Variants in DNM3 observed in about 807,000 individuals in gnomAD.
DNM3 encodes dynamin-3.
In DNM3, 47 loss-of-function variants were observed where a neutral mutation model predicts 101.6. The observed-to-expected ratio is 0.46, with a 90% CI of 0.37 to 0.59. The LOEUF is 0.59. DNM3 is among the 20% of genes least tolerant of loss of function. The pLI, the probability that DNM3 is intolerant of heterozygous loss-of-function variation, is 0.00. For synonymous variants in DNM3, 385 were observed against 387.9 expected, an observed-to-expected ratio of 0.99 and a Z score of 0.09; for missense variants, 849 against 1,085.7, an observed-to-expected ratio of 0.78 and a Z score of 3.06.
chr1:172,292,349 T>C (rs1171725937), intron 15 of DNM3, among the ~76,000 whole-genome samples: 2 of 152,220 alleles, frequency 1.3e-5, no homozygotes, highest in Non-Finnish European at 2.9e-5. Context: ...TGGTCTTTAA[T>C]ATATCCTGAA....
chr1:171,877,838 A>C (rs2035914445), intron 1 of DNM3, among the ~76,000 whole-genome samples: 1 of 152,202 alleles, frequency 6.6e-6, no homozygotes, highest in Non-Finnish European at 1.5e-5. Context: ...ACAAGATGTG[A>C]ATTGCCTCAT....
At chr1:172,274,963 T>C (rs2063223955) in intron 15 of DNM3, among the ~76,000 whole-genome samples, 1 of 152,040 alleles carries the variant, frequency 6.6e-6, no homozygotes, top group South Asian at 2.1e-4. Context: ...ATTTTTGTCA[T>C]TATACACTAG....
intron 12 of DNM3, among the ~76,000 whole-genome samples, chr1:172,087,856 A>G (rs774974766): frequency 3.9e-5 from 6 of 152,150 alleles, no homozygotes; most frequent in Non-Finnish European, 7.3e-5. Flanking sequence ...TATAATCTGT[A>G]TCTTGTTTAC....
intron 4 of DNM3, among the ~76,000 whole-genome samples, chr1:172,029,003 C>T (rs2048408140): frequency 6.6e-6 from 1 of 152,146 alleles, no homozygotes; most frequent in African/African-American, 2.4e-5. Context: ...GGTAGCATTC[C>T]TTCTGAAACT....
intron 10 of DNM3, among the ~76,000 whole-genome samples, chr1:172,056,168 C>T (rs1394471049): frequency 6.6e-6 from 1 of 152,226 alleles, no homozygotes; most frequent in South Asian, 2.1e-4. Flanking sequence ...GAGATTATAT[C>T]CCGCACCTGG....
intron 2 of DNM3, among the ~76,000 whole-genome samples, chr1:171,962,131 A>G (rs1341578202): frequency 6.6e-6 from 1 of 152,184 alleles, no homozygotes; most frequent in African/African-American, 2.4e-5. Flanking sequence ...ATGGTAACCC[A>G]TTAGTTAACC....
intron 1 of DNM3, among the ~76,000 whole-genome samples, chr1:171,900,094 T>C (rs1484665798): frequency 6.6e-6 from 1 of 152,080 alleles, no homozygotes; most frequent in African/African-American, 2.4e-5. Context: ...CTTAAGACAG[T>C]AAGGGACGTG....
At position 172,410,613 on chromosome 1, in the gene DNM3, A is replaced by G; in HGVS notation, c.*2772A>G. The G allele has an allele frequency of 1.0e-6, 1 of 985,030 alleles. No individual in the cohort carries two copies. The highest frequency in any genetic ancestry group is 1.2e-6 in the Non-Finnish European group (1 of 829,568). The allele number at this position is 985,030 out of a possible 1,614,324, so 61.0% of individuals were successfully genotyped here. On this transcript the variant is annotated 3_prime_UTR_variant, in exon 21 of 21. Transcript: ENST00000627582. ...TATTGATTTAGAAAAAGTATATTGCATTTCTAAAAAACATCTACCAAGGTT... is the reference window on the plus strand; with the variant it reads ...TATTGATTTAGAAAAAGTATATTGCGTTTCTAAAAAACATCTACCAAGGTT...
chr1:172,124,266 G>A (rs1173333195), intron 13 of DNM3, among the ~76,000 whole-genome samples: 1 of 152,128 alleles, frequency 6.6e-6, no homozygotes, highest in Non-Finnish European at 1.5e-5. Context: ...TCCCAAAGGT[G>A]TTTTTAAGAA....
chr1:172,331,782 A>G (rs2066196542), intron 17 of DNM3, among the ~76,000 whole-genome samples: 1 of 152,210 alleles, frequency 6.6e-6, no homozygotes, highest in Non-Finnish European at 1.5e-5. Context: ...TGACAGAAAA[A>G]AGTTACTATT....
At chr1:172,252,846 A>G (rs1269116660) in intron 14 of DNM3, among the ~76,000 whole-genome samples, 1 of 152,136 alleles carries the variant, frequency 6.6e-6, no homozygotes, top group African/African-American at 2.4e-5. Flanking sequence ...TTCAATGTTC[A>G]TATTCTTCCT....
intron 15 of DNM3, among the ~76,000 whole-genome samples, chr1:172,295,637 A>C (rs2064128619): frequency 6.6e-6 from 1 of 152,164 alleles, no homozygotes; most frequent in African/African-American, 2.4e-5. Flanking sequence ...CCAAAAAGCC[A>C]GCTTATTTGT....
chr1:172,370,285 T>C (rs1333824005), intron 17 of DNM3: 3 of 151,958 alleles, frequency 2.0e-5, no homozygotes, highest in Non-Finnish European at 4.4e-5. Flanking sequence ...TTTATTTCTT[T>C]GGGACACCAA....
intron 17 of DNM3, among the ~76,000 whole-genome samples, chr1:172,369,861 G>C (rs1338920403): frequency 6.6e-6 from 1 of 151,926 alleles, no homozygotes; most frequent in African/African-American, 2.4e-5. Context: ...GAAGGTAGAA[G>C]TCTGAGATCC....
chr1:171,958,424 A>G (rs948720298), intron 2 of DNM3, among the ~76,000 whole-genome samples: 1 of 152,202 alleles, frequency 6.6e-6, no homozygotes, highest in African/African-American at 2.4e-5. Flanking sequence ...GTTTGGGAGA[A>G]CAAGGAAAAG....
At chr1:172,058,030 G>T (rs1043438587) in intron 10 of DNM3, among the ~76,000 whole-genome samples, 1 of 140,734 alleles carries the variant, frequency 7.1e-6, no homozygotes, top group Non-Finnish European at 1.5e-5. Context: ...ACAAAAAAAG[G>T]CAGGGGTTGC....
intron 17 of DNM3, among the ~76,000 whole-genome samples, chr1:172,330,523 C>T (rs1234009895): frequency 1.3e-5 from 2 of 151,948 alleles, no homozygotes; most frequent in Non-Finnish European, 2.9e-5. Flanking sequence ...ATATGTACCC[C>T]ATGTATCTAA....
At chr1:172,221,760 C>T (rs769840219) in intron 14 of DNM3, among the ~76,000 whole-genome samples, 3 of 152,150 alleles carry the variant, frequency 2.0e-5, no homozygotes, top group Non-Finnish European at 4.4e-5. Context: ...TGCTATCTCT[C>T]TTTCTCTCTC....
intron 16 of DNM3, chr1:172,309,644 C>G (rs903603644): frequency 6.6e-6 from 1 of 152,176 alleles, no homozygotes; most frequent in Non-Finnish European, 1.5e-5. Context: ...CAGCTTAACT[C>G]CTGAGGTGCC....
Sources: allele counts gnomAD v4.1 joint callset (sites outside exome capture counted in the v4.1 genomes callset), GRCh38; gene constraint gnomAD v4.1.1; transcripts MANE v1.5; gene names NCBI Gene and HGNC (gene_info 2026-07-23, HGNC 2026-07-21).